Variants in SLC9A9 observed in about 807,000 individuals in gnomAD.
The protein encoded by SLC9A9 is sodium/hydrogen exchanger 9.
Under a neutral mutation model 77.8 loss-of-function variants are expected in SLC9A9, and 62 were observed. The ratio of observed to expected loss-of-function variants is 0.80; its 90% CI spans 0.65 to 0.98. The LOEUF (loss-of-function observed/expected upper bound fraction) is 0.98, where lower values mean the gene tolerates loss of function less well. Ranked by LOEUF, SLC9A9 falls within the 50% of genes least tolerant of loss-of-function variation. SLC9A9 has a pLI of 0.00. For missense variants in SLC9A9, 775 were observed against 774.9 expected, an observed-to-expected ratio of 1.00 and a Z score of 0.00; for synonymous variants, 320 against 283.5, an observed-to-expected ratio of 1.13 and a Z score of -1.29.
At chr3:143,449,520 T>TATAATTATATAAAATATAATTATATAAA (rs1559921113) in intron 12 of SLC9A9, among the ~76,000 whole-genome samples, 4 of 18,252 alleles carry the variant, frequency 2.2e-4, no homozygotes, top group African/African-American at 2.0e-3. Flanking sequence ...ATAATAATTA[T>TATAATTATATAAAATATAATTATATAAA]ATAATTATAT....
intron 5 of SLC9A9, among the ~76,000 whole-genome samples, chr3:143,662,883 C>T (rs926423914): frequency 6.6e-6 from 1 of 152,128 alleles, no homozygotes; most frequent in Non-Finnish European, 1.5e-5. Flanking sequence ...CAGGGCATAG[C>T]TGAACAAAAG....
At chr3:143,430,502 G>A (rs2034493339) in intron 12 of SLC9A9, among the ~76,000 whole-genome samples, 1 of 152,216 alleles carries the variant, frequency 6.6e-6, no homozygotes, top group Non-Finnish European at 1.5e-5. Context: ...ATGCAGGAAA[G>A]GCGGGACTTG....
intron 4 of SLC9A9, among the ~76,000 whole-genome samples, chr3:143,791,040 CAT>C (rs1022047572): frequency 3.9e-5 from 6 of 152,098 alleles, no homozygotes; most frequent in African/African-American, 1.4e-4. Flanking sequence ...AGGGTGGAGA[CAT>C]AGAGTCAAAG....
intron 12 of SLC9A9, among the ~76,000 whole-genome samples, chr3:143,453,679 T>C (rs2035043510): frequency 6.6e-6 from 1 of 152,238 alleles, no homozygotes. Flanking sequence ...TGAGCACTGC[T>C]CAAAGGACAT....
At chr3:143,702,268 A>G (rs1054874922) in intron 4 of SLC9A9, among the ~76,000 whole-genome samples, 1 of 152,194 alleles carries the variant, frequency 6.6e-6, no homozygotes, top group Admixed American at 6.5e-5. Context: ...AACACAGACT[A>G]TTATAACACT....
At chr3:143,289,847 T>C (rs1938489626) in intron 14 of SLC9A9, among the ~76,000 whole-genome samples, 1 of 152,186 alleles carries the variant, frequency 6.6e-6, no homozygotes, top group Non-Finnish European at 1.5e-5. Flanking sequence ...TCTGCAATGC[T>C]GACCAGATCA....
intron 14 of SLC9A9, among the ~76,000 whole-genome samples, chr3:143,352,579 A>G (rs2032487738): frequency 7.5e-6 from 1 of 133,218 alleles, no homozygotes; most frequent in Non-Finnish European, 1.5e-5. Flanking sequence ...TTAGAGACTG[A>G]TCTGGCTTTT....
chr3:143,370,639 G>T (rs1360791593), intron 13 of SLC9A9, among the ~76,000 whole-genome samples: 1 of 149,582 alleles, frequency 6.7e-6, no homozygotes, highest in Non-Finnish European at 1.5e-5. Flanking sequence ...GAAGATCCTG[G>T]TTCATGCTAA....
chr3:143,397,880 T>G (rs890165529), intron 12 of SLC9A9, among the ~76,000 whole-genome samples: 24 of 152,338 alleles, frequency 1.6e-4, no homozygotes, highest in African/African-American at 5.5e-4. Context: ...AAGGGGGGAA[T>G]GCATAGAACA....
chr3:143,606,453 T>TAC (rs1559990375), intron 6 of SLC9A9, among the ~76,000 whole-genome samples: 8 of 144,302 alleles, frequency 5.5e-5, no homozygotes, highest in Non-Finnish European at 1.2e-4. Context: ...TATATATATA[T>TAC]ATATATATGT....
At chr3:143,644,915 A>G (rs2038679498) in intron 6 of SLC9A9, among the ~76,000 whole-genome samples, 1 of 152,206 alleles carries the variant, frequency 6.6e-6, no homozygotes, top group South Asian at 2.1e-4. Flanking sequence ...TTCTTAAGTT[A>G]AGCAGATTCA....
At chr3:143,469,139 G>T (rs2035334475) in intron 11 of SLC9A9, among the ~76,000 whole-genome samples, 1 of 152,112 alleles carries the variant, frequency 6.6e-6, no homozygotes, top group Admixed American at 6.5e-5. Flanking sequence ...CAGCCTGCAT[G>T]ACAGAGTGAG....
intron 6 of SLC9A9, among the ~76,000 whole-genome samples, chr3:143,580,722 C>T (rs553714066): frequency 1.3e-5 from 2 of 152,316 alleles, no homozygotes; most frequent in East Asian, 1.9e-4. Context: ...ATGTTCTCTT[C>T]CTTCCCACTC....
chr3:143,657,406 C>A (rs1041008787), intron 5 of SLC9A9, among the ~76,000 whole-genome samples: 3 of 152,180 alleles, frequency 2.0e-5, no homozygotes, highest in Admixed American at 6.5e-5. Flanking sequence ...TTGTAGCCTT[C>A]CTCAAACAGG....
At chr3:143,404,361 A>C (rs2033930493) in intron 12 of SLC9A9, among the ~76,000 whole-genome samples, 1 of 151,826 alleles carries the variant, frequency 6.6e-6, no homozygotes, top group Non-Finnish European at 1.5e-5. Context: ...TAGTAGAGAC[A>C]GGTTCTCACC....
chr3:143,699,010 T>G (rs1576667208), intron 4 of SLC9A9, among the ~76,000 whole-genome samples: 1 of 152,360 alleles, frequency 6.6e-6, no homozygotes, highest in African/African-American at 2.4e-5. Flanking sequence ...TATCATGCCC[T>G]ACTTATTTGT....
At chr3:143,756,710 C>T (rs927586670) in intron 4 of SLC9A9, among the ~76,000 whole-genome samples, 15 of 152,150 alleles carry the variant, frequency 9.9e-5, no homozygotes, top group Admixed American at 3.9e-4. Flanking sequence ...TATAAAACTT[C>T]ATACAATAAA....
chr3:143,485,982 G>A (rs78320165), intron 11 of SLC9A9, among the ~76,000 whole-genome samples: 2,216 of 151,894 alleles, frequency 0.015, 42 homozygotes, highest in East Asian at 0.12. Context: ...AAAGAGATGC[G>A]GACTGAAACA....
intron 1 of SLC9A9, chr3:143,847,823 C>T (rs1249048025): frequency 2.7e-6 from 1 of 375,748 alleles, no homozygotes; most frequent in African/African-American, 2.1e-5. Flanking sequence ...TTTGTGACTG[C>T]AGAGCCATCA....
Sources: gnomAD v4.1 joint callset for allele counts (sites outside exome capture counted in the v4.1 genomes callset) on GRCh38, gnomAD v4.1.1 for gene constraint, MANE v1.5 for transcripts, NCBI Gene and HGNC (gene_info 2026-07-23, HGNC 2026-07-21) for gene names.